Variants in CLEC6A observed in about 807,000 individuals in gnomAD.
CLEC6A encodes C-type lectin domain family 6 member A.
Under a neutral mutation model 25.7 loss-of-function variants are expected in CLEC6A, and 22 were observed. The ratio of observed to expected loss-of-function variants is 0.85; its 90% CI spans 0.61 to 1.22. The LOEUF (loss-of-function observed/expected upper bound fraction) is 1.22, where lower values mean the gene tolerates loss of function less well. Ranked by LOEUF, CLEC6A falls within the 50% of genes most tolerant of loss-of-function variation. CLEC6A has a pLI of 0.00. For missense variants in CLEC6A, 240 were observed against 236.8 expected (o/e 1.01, Z -0.09); for synonymous variants, 92 against 76.7 (o/e 1.20, Z -1.04).
At chr12:8,460,906 A>G in intron 3 of CLEC6A, 1 of 858,606 alleles carries the variant, frequency 1.2e-6, no homozygotes, top group South Asian at 1.3e-5. Flanking sequence ...GTTTGCTCCA[A>G]ACCTTCAGTC....
chr12:8,458,754 T>A (rs1446228369), intron 2 of CLEC6A, among the ~76,000 whole-genome samples: 3 of 152,154 alleles, frequency 2.0e-5, no homozygotes, highest in Non-Finnish European at 4.4e-5. Flanking sequence ...GAAGGGGGTT[T>A]AAGAATAGTT....
In CLEC6A at chr12:8,465,587, G is replaced by C. The variant is rs1365636813; in HGVS notation, c.327G>C (p.Glu109Asp). 1.2e-6 allele frequency: 2 copies of C among 1,614,038 alleles called. No homozygotes were observed. The highest frequency in any genetic ancestry group is 1.7e-5 in the Admixed American group (1 of 60,014). Reference protein sequence around the residue: ...VWSKSEQNCVEMGAHLVVFNT... With the variant: ...VWSKSEQNCVDMGAHLVVFNT... ...CTAAGAGTGAGCAGAACTGTGTTGAGATGGGAGCACATTTGGTTGTGTTCA... is the reference window on the plus strand; with the variant it reads ...CTAAGAGTGAGCAGAACTGTGTTGACATGGGAGCACATTTGGTTGTGTTCA... The change falls in exon 4 of 6, where the codon GAG (glutamate) becomes GAC (aspartate). Residue 109 changes from glutamate (E) to aspartate (D), a missense_variant. Transcript: ENST00000382073.
rs75947861 is a variant in CLEC6A at position 8,457,949 on chromosome 12, T to A, written c.83T>A (p.Ile28Asn). ...CTCTGGTCTGTGGCTGGGATTTCCA[T>A]TGCACTCCTCAGTGCTTGCTTCATT... ...LRLWSVAGIS[I>N]ALLSACFIVS... is the part of the protein sequence containing the mutation. The change falls in exon 2 of 6, where the codon ATT (isoleucine) becomes AAT (asparagine). Residue 28 changes from isoleucine to asparagine, a missense_variant. Transcript: ENST00000382073. The A allele has an allele frequency of 3.0e-3, 4,765 of 1,614,008 alleles. 127 individuals carry two copies. The African/African-American group carries it at 0.052, about 18-fold the overall frequency.
chr12:8,467,067 G>T (rs1939842314), intron 4 of CLEC6A, among the ~76,000 whole-genome samples: 1 of 152,110 alleles, frequency 6.6e-6, no homozygotes, highest in African/African-American at 2.4e-5. Flanking sequence ...TTGAGTTGGA[G>T]GTGTTCCTTA....
chr12:8,472,173 T>G (rs1939913460), intron 4 of CLEC6A, among the ~76,000 whole-genome samples: 2 of 152,170 alleles, frequency 1.3e-5, no homozygotes. Context: ...CTTTTTCTGG[T>G]GATGCATCTT....
At chr12:8,460,854 A>C in intron 3 of CLEC6A, 1 of 909,146 alleles carries the variant, frequency 1.1e-6, no homozygotes. Flanking sequence ...CTAAGGGTAC[A>C]ACTTACCGCA....
At chr12:8,467,368 A>G (rs1939846770) in intron 4 of CLEC6A, among the ~76,000 whole-genome samples, 1 of 152,186 alleles carries the variant, frequency 6.6e-6, no homozygotes, top group Non-Finnish European at 1.5e-5. Flanking sequence ...AATTTCTTAT[A>G]TGACGTAAGG....
intron 4 of CLEC6A, among the ~76,000 whole-genome samples, chr12:8,473,937 GT>G (rs1378887746): frequency 6.6e-6 from 1 of 151,930 alleles, no homozygotes; most frequent in Non-Finnish European, 1.5e-5. Flanking sequence ...TTTCTTGTTT[GT>G]TCAATTGTTC....
intron 5 of CLEC6A, 88 bp from the exon 6 acceptor site, chr12:8,477,232 C>T (rs916010933): frequency 3.9e-6 from 4 of 1,025,492 alleles, no homozygotes; most frequent in Middle Eastern, 2.1e-4. Flanking sequence ...TTCCTAAATC[C>T]CACTTTGTTC....
chr12:8,465,107 C>G (rs915237303), intron 3 of CLEC6A, among the ~76,000 whole-genome samples: 1 of 152,236 alleles, frequency 6.6e-6, no homozygotes, highest in Admixed American at 6.5e-5. Flanking sequence ...TTTTGAAAAC[C>G]TAAGGCTCTG....
At chr12:8,460,475 G>T in intron 3 of CLEC6A, 1 of 592,714 alleles carries the variant, frequency 1.7e-6, no homozygotes, top group South Asian at 2.0e-5. Context: ...CTCCCACAGG[G>T]TCCCTCTCAC....
At chr12:8,467,540 T>A (rs1464736199) in intron 4 of CLEC6A, among the ~76,000 whole-genome samples, 1 of 144,562 alleles carries the variant, frequency 6.9e-6, no homozygotes, top group Non-Finnish European at 1.5e-5. Context: ...TTCTGTTCCA[T>A]TGGTCTCTAT....
At chr12:8,459,791 G>C (rs768203637) in intron 3 of CLEC6A, 93 bp downstream of exon 3, 2 of 806,560 alleles carry the variant, frequency 2.5e-6, no homozygotes, top group Non-Finnish European at 4.3e-6. Context: ...GTGCATTTGT[G>C]TGTGTATGTT....
intron 4 of CLEC6A, among the ~76,000 whole-genome samples, chr12:8,473,552 T>G (rs1287242255): frequency 6.6e-6 from 1 of 152,174 alleles, no homozygotes; most frequent in Non-Finnish European, 1.5e-5. Context: ...GTACATACTT[T>G]TTTTGGTGAA....
rs1939695824 is a variant in CLEC6A, at chr12:8,457,733, C to T, written c.32-165C>T. ...TGTATTCTTTTGGACCACAGAGCTACTACCTGGTTATTTATTCTGAGGGAG... is the reference window on the plus strand; with the variant it reads ...TGTATTCTTTTGGACCACAGAGCTATTACCTGGTTATTTATTCTGAGGGAG... On this transcript the variant is annotated intron_variant, in intron 1 of 5. Coordinates refer to ENST00000382073, the MANE Select transcript of CLEC6A (RefSeq NM_001007033.2). 2.0e-5 allele frequency among the ~76,000 whole-genome samples: 3 copies of T among 152,344 alleles called. No individual in the cohort carries two copies. In the South Asian group the frequency reaches 6.2e-4, roughly 32 times the overall value.
chr12:8,456,245 G>A, intron 1 of CLEC6A, 103 bp downstream of exon 1: 2 of 1,116,808 alleles, frequency 1.8e-6, no homozygotes, highest in Non-Finnish European at 2.7e-6. Context: ...GCTAGTGATT[G>A]GACCAATATA....
intron 3 of CLEC6A, among the ~76,000 whole-genome samples, chr12:8,463,030 A>G (rs1174615024): frequency 6.6e-6 from 1 of 152,220 alleles, no homozygotes; most frequent in Admixed American, 6.5e-5. Flanking sequence ...TGTAAATACT[A>G]TTACAAAGTG....
chr12:8,459,751 G>A, intron 3 of CLEC6A, 53 bp downstream of exon 3: 1 of 1,126,248 alleles, frequency 8.9e-7, no homozygotes, highest in East Asian at 2.3e-5. Context: ...GGAGAGATCA[G>A]GGTTGAGCTC....
chr12:8,476,069 C>T (rs888758375), intron 4 of CLEC6A, 56 bp from the exon 5 acceptor site: 4 of 1,151,772 alleles, frequency 3.5e-6, no homozygotes, highest in African/African-American at 1.5e-5. Flanking sequence ...GCAACCTTTA[C>T]TCTGTTCAAT....
Sources: gnomAD v4.1 joint callset for allele counts (sites outside exome capture counted in the v4.1 genomes callset) on GRCh38, gnomAD v4.1.1 for gene constraint, MANE v1.5 for transcripts, NCBI Gene and HGNC (gene_info 2026-07-23, HGNC 2026-07-21) for gene names.